The following FRMPD4 variants were observed in gnomAD, a reference collection of about 807,000 sequenced individuals.
The protein encoded by FRMPD4 is FERM and PDZ domain-containing protein 4.
Under a neutral mutation model 94.1 loss-of-function variants are expected in FRMPD4, and 22 were observed. The ratio of observed to expected loss-of-function variants is 0.23; its 90% CI spans 0.17 to 0.33. FRMPD4 has a LOEUF of 0.33. FRMPD4 is among the 10% of genes least tolerant of loss of function. FRMPD4 has a pLI of 1.00. For synonymous variants in FRMPD4, 631 were observed against 548.6 expected (o/e 1.15, Z -2.10); for missense variants, 1,111 against 1,339.9 (o/e 0.83, Z 2.67).
chrX:12,579,746 C>G (rs1285712187), intron 2 of FRMPD4, among the ~76,000 whole-genome samples: 1 of 111,907 alleles, frequency 8.9e-6, no homozygotes, highest in African/African-American at 3.3e-5. Flanking sequence ...AAAGTTGAAT[C>G]CAGTTTGCTT....
Position 11,835,497 on chromosome X carries a change from C to T in FRMPD4, c.-161+12782C>T, listed in dbSNP as rs774510226. On this transcript the variant is annotated intron_variant, in intron 1 of 18. Transcript: ENST00000640291. ...TGAGAAATAAGCACGTACAACGTGG[C>T]ATCATAGGAAGTGGAATGGGAGGTA... Among the ~76,000 whole-genome samples, 10 of 112,055 alleles carry T rather than the reference C, an allele frequency of 8.9e-5. No homozygotes were observed. The East Asian group carries it at 2.8e-3, about 32-fold the overall frequency.
chrX:12,578,645 G>A (rs1296166208), intron 2 of FRMPD4, among the ~76,000 whole-genome samples: 1 of 111,790 alleles, frequency 8.9e-6, no homozygotes, highest in African/African-American at 3.3e-5. Context: ...AGCAAAAGAA[G>A]CCTTTTTAAG....
intron 1 of FRMPD4, chrX:12,341,725 T>C (rs1245197071): frequency 3.6e-6 from 1 of 277,319 alleles, no homozygotes; most frequent in African/African-American, 2.7e-5. Context: ...GGTTGACTAT[T>C]GTTATGACTC....
At chrX:11,875,834 A>G (rs1174812560) in intron 2 of FRMPD4, among the ~76,000 whole-genome samples, 5 of 101,654 alleles carry the variant, frequency 4.9e-5, no homozygotes, top group Non-Finnish European at 4.0e-5. Flanking sequence ...CCTTGCTGAC[A>G]CCGCTTACCA....
At chrX:12,596,974 T>C (rs1214320453) in intron 2 of FRMPD4, among the ~76,000 whole-genome samples, 1 of 111,937 alleles carries the variant, frequency 8.9e-6, no homozygotes. Context: ...TAATCACTGA[T>C]AAGTCTCAAT....
Position 11,839,628 on chromosome X carries a change from A to G in FRMPD4, c.-161+16913A>G, listed in dbSNP as rs891326436. On this transcript the variant is annotated intron_variant, in intron 1 of 18. Coordinates refer to the FRMPD4 transcript ENST00000640291. ...CCAATTTATAAGTTGAAGGTCATGAAGAGTTTTTTCTGTTTTCTTCTAAAA... is the reference window on the plus strand; with the variant it reads ...CCAATTTATAAGTTGAAGGTCATGAGGAGTTTTTTCTGTTTTCTTCTAAAA... Among the ~76,000 whole-genome samples, 21 of 111,666 alleles carry G rather than the reference A, an allele frequency of 1.9e-4. No individual in the cohort carries two copies. The Admixed American group carries it at 2.0e-3, about 11-fold the overall frequency.
chrX:12,129,402 C>T (rs898580890), intron 3 of FRMPD4, among the ~76,000 whole-genome samples: 3 of 111,438 alleles, frequency 2.7e-5, no homozygotes, highest in East Asian at 5.7e-4. Context: ...TTCACTATCA[C>T]GAGAACAGCA....
At chrX:12,539,055 T>C (rs2058374220) in intron 2 of FRMPD4, among the ~76,000 whole-genome samples, 1 of 111,434 alleles carries the variant, frequency 9.0e-6, no homozygotes, top group Non-Finnish European at 1.9e-5. Flanking sequence ...ATTAGATGAA[T>C]GGCTAACTAG....
At chrX:11,846,445 G>A (rs1203160509) in intron 1 of FRMPD4, among the ~76,000 whole-genome samples, 3 of 110,453 alleles carry the variant, frequency 2.7e-5, no homozygotes, top group Non-Finnish European at 5.7e-5. Flanking sequence ...CGTGAAAATG[G>A]CCATACTGCC....
chrX:12,464,247 A>G (rs1447573780), intron 1 of FRMPD4, among the ~76,000 whole-genome samples: 2 of 111,836 alleles, frequency 1.8e-5, no homozygotes, highest in Non-Finnish European at 3.8e-5. Flanking sequence ...GAGACCTCAT[A>G]GCCAGGCCTC....
chrX:12,336,047 G>A (rs2055515182), intron 1 of FRMPD4, among the ~76,000 whole-genome samples: 1 of 111,184 alleles, frequency 9.0e-6, no homozygotes, highest in African/African-American at 3.3e-5. Flanking sequence ...TTCCCTGTGT[G>A]TGATTCACTT....
intron 1 of FRMPD4, among the ~76,000 whole-genome samples, chrX:11,837,731 G>A (rs1435391124): frequency 1.8e-5 from 2 of 111,150 alleles, no homozygotes; most frequent in Non-Finnish European, 3.8e-5. Flanking sequence ...GGCTATTTTT[G>A]TTTGCCCCTG....
At chrX:12,133,891 G>A (rs144199284), upstream of FRMPD4, among the ~76,000 whole-genome samples, 3,407 of 111,937 alleles carry the variant, frequency 0.03, 63 homozygotes, top group African/African-American at 0.061. Context: ...ATGGCTTCCC[G>A]TCTCATACCA....
At chrX:12,090,885 G>A (rs754473772) in intron 3 of FRMPD4, among the ~76,000 whole-genome samples, 1 of 112,456 alleles carries the variant, frequency 8.9e-6, no homozygotes, top group South Asian at 3.7e-4. Context: ...AGTAAGGGAT[G>A]ATTGGAGGAG....
chrX:12,618,535 G>A (rs924008696), intron 4 of FRMPD4, among the ~76,000 whole-genome samples: 2 of 111,423 alleles, frequency 1.8e-5, no homozygotes, highest in Non-Finnish European at 3.8e-5. Flanking sequence ...CCATCAACGC[G>A]AAGTGGAAGG....
chrX:12,059,445 A>G (rs2054872499), intron 3 of FRMPD4, among the ~76,000 whole-genome samples: 1 of 111,231 alleles, frequency 9.0e-6, no homozygotes, highest in Admixed American at 9.6e-5. Context: ...TTTTTGTCTG[A>G]TAGTACTAGT....
At chrX:12,113,045 A>T (rs1161030505) in intron 3 of FRMPD4, among the ~76,000 whole-genome samples, 1 of 111,785 alleles carries the variant, frequency 8.9e-6, no homozygotes, top group East Asian at 2.8e-4. Flanking sequence ...TTCTGGGGTT[A>T]TTATTATTAA....
intron 1 of FRMPD4, among the ~76,000 whole-genome samples, chrX:12,294,190 C>T (rs2054733623): frequency 9.0e-6 from 1 of 111,179 alleles, no homozygotes. Context: ...CCAGGTGTCC[C>T]TGGAGGGTGT....
chrX:12,045,360 A>G (rs1207757626), intron 3 of FRMPD4, among the ~76,000 whole-genome samples: 1 of 111,825 alleles, frequency 8.9e-6, no homozygotes, highest in Non-Finnish European at 1.9e-5. Flanking sequence ...TACTTCCGGG[A>G]TTACTACTAA....
Sources: allele counts gnomAD v4.1 joint callset (sites outside exome capture counted in the v4.1 genomes callset), GRCh38; gene constraint gnomAD v4.1.1; transcripts MANE v1.5; gene names NCBI Gene and HGNC (gene_info 2026-07-23, HGNC 2026-07-21).